DLG5: variants seen among roughly 807,000 people sequenced by gnomAD.
The protein encoded by DLG5 is discs large MAGUK scaffold protein 5.
Under a neutral mutation model 189.8 loss-of-function variants are expected in DLG5, and 48 were observed. The ratio of observed to expected loss-of-function variants is 0.25; its 90% CI spans 0.20 to 0.32. The LOEUF is 0.32. Ranked by LOEUF, DLG5 falls within the 10% of genes least tolerant of loss-of-function variation. The pLI, the probability that DLG5 is intolerant of heterozygous loss-of-function variation, is 1.00. For missense variants in DLG5, 2,160 were observed against 2,544.7 expected (o/e 0.85, Z 3.25); for synonymous variants, 1,016 against 1,054.1 (o/e 0.96, Z 0.70).
chr10:77,794,312 C>T (rs1053243855), intron 30 of DLG5, among the ~76,000 whole-genome samples, 195 bp from the exon 31 acceptor site: 3 of 152,166 alleles, frequency 2.0e-5, no homozygotes, highest in Non-Finnish European at 4.4e-5. Context: ...GGAAGGAGGG[C>T]CCCCCAGCAC....
In DLG5 at chr10:77,811,134, C is replaced by T. The variant is rs1460439717; in HGVS notation, c.4423G>A (p.Glu1475Lys). The T allele has an allele frequency of 9.9e-6, 16 of 1,612,528 alleles. No individual in the cohort carries two copies. Among genetic ancestry groups the T allele is most frequent in the African/African-American group, 1.3e-5 (1 of 74,844 alleles). Residue 1475 changes from glutamate (E) to lysine (K), a missense_variant, in exon 23 of 32, where the codon GAG (glutamate) becomes AAG (lysine). By Grantham distance (56) the Glu-to-Lys change is moderately conservative (BLOSUM62 1). Coordinates refer to ENST00000372391, the MANE Select transcript of DLG5 (RefSeq NM_004747.4). ...SVIDPLMEQD[E>K]GPSTPPAKQS... ...TTGGCTGGGGGGGTGCTAGGCCCCT[C>T]GTCCTGCTCCATCAGTGGGTCGATG...
chr10:77,923,556 C>T (rs908825809), intron 1 of DLG5, among the ~76,000 whole-genome samples: 2 of 152,178 alleles, frequency 1.3e-5, no homozygotes, highest in African/African-American at 2.4e-5. Context: ...CTCAGGAGTT[C>T]GAGACCATCC....
intron 2 of DLG5, chr10:77,866,755 C>T (rs1307509534): frequency 2.9e-6 from 1 of 349,648 alleles, no homozygotes; most frequent in Non-Finnish European, 5.7e-6. Flanking sequence ...GAGGGCAGAG[C>T]TGCATCCCCA....
rs1310783140 is a variant in DLG5 at position 77,791,003 on chromosome 10, T to C, written c.*1437A>G. 1 of 152,476 alleles carries C rather than the reference T, an allele frequency of 6.6e-6. No homozygotes were observed. Among genetic ancestry groups the C allele is most frequent in the Non-Finnish European group, 1.5e-5 (1 of 68,046 alleles). 9.4% of individuals were successfully genotyped at this position (152,476 alleles called of 1,614,324 possible). A position where few individuals can be genotyped will look rare whatever the true frequency, so the allele number is the denominator to read the frequency against. On this transcript the variant is annotated 3_prime_UTR_variant, in exon 32 of 32. Transcript: ENST00000372391. ...CTTGAGAATAGTCTACAGTTTTTCA[T>C]AGTTTGTCTGAGCTAGAAAACTTGT...
At chr10:77,852,822 A>G (rs922355006) in intron 5 of DLG5, among the ~76,000 whole-genome samples, 4 of 152,192 alleles carry the variant, frequency 2.6e-5, no homozygotes, top group Admixed American at 6.5e-5. Flanking sequence ...ATGGCTTTCA[A>G]TCTACCTGTC....
intron 1 of DLG5, among the ~76,000 whole-genome samples, chr10:77,881,723 C>T (rs1038493402): frequency 6.6e-6 from 1 of 152,162 alleles, no homozygotes; most frequent in African/African-American, 2.4e-5. Context: ...AAAGGTGTCC[C>T]TCCCCCACTG....
At chr10:77,900,949 A>G (rs1308205054) in intron 1 of DLG5, among the ~76,000 whole-genome samples, 3 of 150,692 alleles carry the variant, frequency 2.0e-5, no homozygotes, top group Admixed American at 2.0e-4. Flanking sequence ...AAATAAATAA[A>G]TAAATAAGCA....
Position 77,825,497 on chromosome 10 carries a change from A to G in DLG5, c.2290-1021T>C, listed in dbSNP as rs548936834. 2.6e-5 allele frequency among the ~76,000 whole-genome samples: 4 copies of G among 152,160 alleles called. No individual in the cohort carries two copies. In the South Asian group the frequency reaches 8.3e-4, roughly 32 times the overall value. On this transcript the variant is annotated intron_variant, in intron 13 of 31. Coordinates refer to ENST00000372391, the MANE Select transcript of DLG5 (RefSeq NM_004747.4). ...AGGGGAAGCAGGGAGAAGAGTACAT[A>G]GGACCCCCCTGTACTATCTCTGCAG... is the stretch of plus-strand genomic sequence containing the variant.
chr10:77,908,697 A>C (rs570328919), intron 1 of DLG5, among the ~76,000 whole-genome samples: 21 of 152,076 alleles, frequency 1.4e-4, no homozygotes, highest in Admixed American at 1.4e-3. Context: ...TTCCTTAGGC[A>C]CTGAAACTTC....
chr10:77,876,217 C>T (rs1200577735), intron 1 of DLG5, among the ~76,000 whole-genome samples: 2 of 151,640 alleles, frequency 1.3e-5, no homozygotes, highest in African/African-American at 4.8e-5. Context: ...TATTTCTGGT[C>T]GTTATAAGAA....
At chr10:77,905,114 A>G (rs1321759011) in intron 1 of DLG5, among the ~76,000 whole-genome samples, 1 of 145,952 alleles carries the variant, frequency 6.9e-6, no homozygotes, top group African/African-American at 2.6e-5. Context: ...GGGCGACAAG[A>G]GCGAGACTTC....
At chr10:77,795,783 C>T (rs976437722) in intron 29 of DLG5, among the ~76,000 whole-genome samples, 1 of 152,174 alleles carries the variant, frequency 6.6e-6, no homozygotes, top group African/African-American at 2.4e-5. Context: ...GAGCTCAATA[C>T]TCTCATCAGA....
Position 77,829,497 on chromosome 10 carries a change from C to T in DLG5, c.2043G>A (p.Val681=). Residue 681 remains valine, a synonymous_variant, in exon 12 of 32, where the codon GTG becomes GTA. Coordinates refer to ENST00000372391, the MANE Select transcript of DLG5 (RefSeq NM_004747.4). ...GCTTCTTGTCCTTGTTGATGAGGTCCACATCGTTGATTCTCAGCAGCCAGT... is the reference window on the plus strand; with the variant it reads ...GCTTCTTGTCCTTGTTGATGAGGTCTACATCGTTGATTCTCAGCAGCCAGT... ...VNDWLLRIND[V]DLINKDKKQA... 1 of 1,612,628 alleles carries T rather than the reference C, an allele frequency of 6.2e-7. No individual in the cohort carries two copies. The highest frequency in any genetic ancestry group is 8.5e-7 in the Non-Finnish European group (1 of 1,179,100).
upstream of DLG5, among the ~76,000 whole-genome samples, chr10:77,931,252 G>T (rs538077370): frequency 1.3e-5 from 2 of 151,368 alleles, no homozygotes; most frequent in Admixed American, 1.3e-4. Context: ...ACTGTGCCCC[G>T]CCCTATTTAT....
At position 77,816,611 on chromosome 10, in the gene DLG5, G is replaced by A. The variant is rs148192127; in HGVS notation, c.3965C>T (p.Ala1322Val). 3.3e-5 allele frequency: 54 copies of A among 1,614,098 alleles called. No individual in the cohort carries two copies. In the African/African-American group the frequency reaches 6.7e-4, roughly 20 times the overall value. The change falls in exon 20 of 32, where the codon GCC becomes GTC. Residue 1322 changes from alanine to valine, a missense_variant. Physicochemically the swap from Ala to Val is moderately conservative, Grantham distance 64. Transcript: ENST00000372391. ...LSSCSQSQTS[A>V]STLPRIAVNP... ...GACAGCGATTCTGGGCAATGTGGAG[G>A]CTGAGGTCTGGGACTGGCTACAAGA...
At chr10:77,888,862 G>A (rs1406224622) in intron 1 of DLG5, among the ~76,000 whole-genome samples, 3 of 152,192 alleles carry the variant, frequency 2.0e-5, no homozygotes, top group Admixed American at 2.0e-4. Context: ...TTGAGGGGTA[G>A]TGACGAAGAC....
intron 17 of DLG5, 102 bp downstream of exon 17, chr10:77,819,219 G>C (rs1347075722): frequency 1.3e-6 from 2 of 1,560,016 alleles, no homozygotes; most frequent in East Asian, 2.2e-5. Context: ...AGGCAGGCAA[G>C]GAAGCTTCTC....
At chr10:77,859,539 T>C (rs949701868) in intron 2 of DLG5, among the ~76,000 whole-genome samples, 1 of 152,134 alleles carries the variant, frequency 6.6e-6, no homozygotes, top group Non-Finnish European at 1.5e-5. Context: ...ATACTTACCA[T>C]TGTGTTACAA....
intron 1 of DLG5, among the ~76,000 whole-genome samples, chr10:77,903,365 T>C (rs907569733): frequency 6.6e-6 from 1 of 151,670 alleles, no homozygotes; most frequent in Non-Finnish European, 1.5e-5. Flanking sequence ...GAGGCAGAGG[T>C]TGCAGTGAGC....
Sources: gnomAD v4.1 joint callset for allele counts (sites outside exome capture counted in the v4.1 genomes callset) on GRCh38, gnomAD v4.1.1 for gene constraint, MANE v1.5 for transcripts, NCBI Gene and HGNC (gene_info 2026-07-23, HGNC 2026-07-21) for gene names.